ZFHX3: variants seen among roughly 807,000 people sequenced by gnomAD.
ZFHX3 encodes the protein zinc finger homeobox 3.
Under a neutral mutation model 279.1 loss-of-function variants are expected in ZFHX3, and 42 were observed. The observed-to-expected ratio is 0.15, with a 90% CI of 0.12 to 0.19. The LOEUF (loss-of-function observed/expected upper bound fraction) is 0.19. Ranked by LOEUF, ZFHX3 falls within the 10% of genes least tolerant of loss-of-function variation. The pLI, the probability that ZFHX3 is intolerant of heterozygous loss-of-function variation, is 1.00. For missense variants in ZFHX3, 4,981 were observed against 4,754.0 expected, an observed-to-expected ratio of 1.05 and a Z score of -1.40; for synonymous variants, 2,293 against 1,957.8, an observed-to-expected ratio of 1.17 and a Z score of -4.52.
intron 1 of ZFHX3, among the ~76,000 whole-genome samples, chr16:73,686,657 C>T (rs1287611146): frequency 1.3e-5 from 2 of 152,042 alleles, no homozygotes; most frequent in African/African-American, 2.4e-5. Flanking sequence ...GGCTGTATTC[C>T]CTCTGGTAAG....
At chr16:73,803,256 C>T (rs1041834932) in intron 1 of ZFHX3, among the ~76,000 whole-genome samples, 1 of 152,152 alleles carries the variant, frequency 6.6e-6, no homozygotes, top group African/African-American at 2.4e-5. Flanking sequence ...GAGACAGTCC[C>T]GCAAATGTCA....
intron 2 of ZFHX3, among the ~76,000 whole-genome samples, chr16:73,494,369 C>T (rs1283007849): frequency 6.6e-6 from 1 of 152,104 alleles, no homozygotes; most frequent in East Asian, 1.9e-4. Flanking sequence ...AAACAAAAGT[C>T]GGCATCCATT....
chr16:73,596,870 T>C (rs1390464949), intron 2 of ZFHX3, among the ~76,000 whole-genome samples: 1 of 152,134 alleles, frequency 6.6e-6, no homozygotes, highest in Non-Finnish European at 1.5e-5. Flanking sequence ...AATGAAGAAA[T>C]GAATGAAGGC....
chr16:73,685,626 T>A (rs1282690951), intron 1 of ZFHX3, among the ~76,000 whole-genome samples: 1 of 152,250 alleles, frequency 6.6e-6, no homozygotes, highest in Admixed American at 6.5e-5. Context: ...GTAGCATGCA[T>A]CAGCAACCAT....
intron 3 of ZFHX3, among the ~76,000 whole-genome samples, chr16:72,922,717 TA>T (rs1199900676): frequency 6.6e-6 from 1 of 152,208 alleles, no homozygotes; most frequent in Non-Finnish European, 1.5e-5. Context: ...AAATGAATCA[TA>T]AAACATTTGT....
intron 5 of ZFHX3, among the ~76,000 whole-genome samples, chr16:73,196,364 C>T (rs1968149623): frequency 6.6e-6 from 1 of 152,034 alleles, no homozygotes; most frequent in Non-Finnish European, 1.5e-5. Flanking sequence ...AGCTTGGGAG[C>T]TCCCTGTGGA....
chr16:73,051,147 C>G (rs1437268158), upstream of ZFHX3, among the ~76,000 whole-genome samples: 1 of 152,232 alleles, frequency 6.6e-6, no homozygotes, highest in Non-Finnish European at 1.5e-5. Context: ...CGGGTTTAGA[C>G]AGATTTGTGC....
chr16:73,065,648 T>G (rs1464506164), intron 8 of ZFHX3, among the ~76,000 whole-genome samples: 1 of 151,026 alleles, frequency 6.6e-6, no homozygotes, highest in African/African-American at 2.4e-5. Context: ...GGATTTAAAA[T>G]GAGAGATTCC....
At chr16:73,591,465 G>A (rs1490540973) in intron 2 of ZFHX3, among the ~76,000 whole-genome samples, 2 of 151,934 alleles carry the variant, frequency 1.3e-5, no homozygotes, top group African/African-American at 2.4e-5. Flanking sequence ...AGGCCAAGAC[G>A]GGTAGATCAC....
intron 1 of ZFHX3, among the ~76,000 whole-genome samples, chr16:73,700,557 G>C (rs1018779392): frequency 3.3e-5 from 5 of 152,146 alleles, no homozygotes; most frequent in Admixed American, 6.5e-5. Flanking sequence ...ATTCACAGTA[G>C]ATTTTCTGAA....
chr16:73,521,784 C>A (rs1156264498), intron 2 of ZFHX3, among the ~76,000 whole-genome samples: 4 of 152,008 alleles, frequency 2.6e-5, no homozygotes, highest in African/African-American at 9.7e-5. Context: ...ACTTGGAACT[C>A]TGATCAAAAT....
chr16:73,197,924 GTTTTTTTTTT>G (rs71156148), intron 5 of ZFHX3, among the ~76,000 whole-genome samples: 4 of 53,782 alleles, frequency 7.4e-5, no homozygotes, highest in Admixed American at 6.6e-4. Context: ...TGATTTGGTG[GTTTTTTTTTT>G]TTTTTTTTTT....
intron 1 of ZFHX3, among the ~76,000 whole-genome samples, chr16:73,872,369 G>A (rs1044085972): frequency 1.3e-5 from 2 of 152,044 alleles, no homozygotes; most frequent in Non-Finnish European, 2.9e-5. Flanking sequence ...GGGATTACAG[G>A]TGCCTGCCAC....
chr16:73,557,350 C>G (rs1049635247), intron 2 of ZFHX3, among the ~76,000 whole-genome samples: 1 of 152,036 alleles, frequency 6.6e-6, no homozygotes, highest in Non-Finnish European at 1.5e-5. Context: ...CTAGTCCGGA[C>G]CCAGACCTCA....
At chr16:73,871,993 C>G (rs1009306817) in intron 1 of ZFHX3, among the ~76,000 whole-genome samples, 1 of 152,122 alleles carries the variant, frequency 6.6e-6, no homozygotes, top group African/African-American at 2.4e-5. Flanking sequence ...ATGAAGGTCA[C>G]CGAGTATTTT....
Position 72,796,911 on chromosome 16 carries a change from C to G in ZFHX3, c.5771G>C (p.Gly1924Ala), listed in dbSNP as rs748525903. The change falls in exon 9 of 10, where the codon GGG (glycine) becomes GCG (alanine). Residue 1924 changes from glycine (G) to alanine (A), a missense_variant. Gly to Ala is a moderately conservative substitution (Grantham distance 60, BLOSUM62 0). Transcript: ENST00000268489. The stretch of plus-strand genomic sequence containing the variant: ...GAGCATGGAAGGCTCAGAACCACCC[C>G]CTGGTGCCAACTCTTTCTTCTCTTT... ...KAKEKKELAP[G>A]GGSEPSMLPP... 1.4e-5 allele frequency: 23 copies of G among 1,613,778 alleles called. No homozygotes were observed. The Admixed American group carries it at 3.7e-4, about 26-fold the overall frequency.
At chr16:73,531,127 C>G (rs2019794342) in intron 2 of ZFHX3, among the ~76,000 whole-genome samples, 1 of 152,178 alleles carries the variant, frequency 6.6e-6, no homozygotes, top group Non-Finnish European at 1.5e-5. Flanking sequence ...AGATGTCTTG[C>G]CTTTCCTAAT....
rs2143208074 is a variant in ZFHX3, at chr16:72,783,827, A to T, written c.*3337T>A. Reference sequence around the variant, plus strand: ...CCTACAATGCAGCAGACAGGAATAAATTCCCCAAGTGAGATAAAGCTAAAC... The same window carrying T: ...CCTACAATGCAGCAGACAGGAATAATTTCCCCAAGTGAGATAAAGCTAAAC... On this transcript the variant is annotated 3_prime_UTR_variant, in exon 10 of 10. Coordinates refer to ENST00000268489, the MANE Select transcript of ZFHX3 (RefSeq NM_006885.4). The T allele has an allele frequency of 6.6e-6, 1 of 152,354 alleles. No homozygotes were observed. Among genetic ancestry groups the T allele is most frequent in the East Asian group, 1.9e-4 (1 of 5,190 alleles). The allele number at this position is 152,354 out of a possible 1,614,324, so 9.4% of individuals were successfully genotyped here. A position where few individuals can be genotyped will look rare whatever the true frequency, so the allele number is the denominator to read the frequency against.
rs2035533424 is a variant in ZFHX3 at position 72,788,167 on chromosome 16, C to G, written c.10109G>C (p.Ser3370Thr). 1.2e-6 allele frequency: 2 copies of G among 1,612,170 alleles called. No individual in the cohort carries two copies. Among genetic ancestry groups the G allele is most frequent in the African/African-American group, 1.3e-5 (1 of 74,866 alleles). The stretch of plus-strand genomic sequence containing the variant: ...CTGCTGCTGAATTGCCTCCTGCAGA[C>G]TCTGCTGGTATTGCTGGTACTGCTG... The part of the protein sequence containing the change: ...LLQQYQQYQQ[S>T]LQEAIQQQQQ... The change falls in exon 10 of 10, where the codon AGT becomes ACT. Residue 3370 changes from serine to threonine, a missense_variant. Ser to Thr is a moderately conservative substitution (Grantham distance 58). Around this residue, in one of 7 missense-constraint regions of ZFHX3, gnomAD observed 1,034 missense variants for 786.0 expected, o/e 1.32. Coordinates refer to ENST00000268489, the MANE Select transcript of ZFHX3 (RefSeq NM_006885.4).
Sources: allele counts gnomAD v4.1 joint callset (sites outside exome capture counted in the v4.1 genomes callset), GRCh38; gene constraint gnomAD v4.1.1; regional missense constraint gnomAD v4.1.1; transcripts MANE v1.5; gene names NCBI Gene and HGNC (gene_info 2026-07-23, HGNC 2026-07-21).